The following LINGO2 variants were observed in gnomAD, a reference collection of about 807,000 sequenced individuals.
LINGO2 encodes the protein leucine-rich repeat and immunoglobulin-like domain-containing nogo receptor-interacting protein 2.
In LINGO2, 14 loss-of-function variants were observed where a neutral mutation model predicts 30.6. The observed-to-expected ratio is 0.46, with a 90% CI of 0.30 to 0.72. LINGO2 has a LOEUF of 0.72. LINGO2 is among the 30% of genes least tolerant of loss of function. The pLI, the probability that LINGO2 is intolerant of heterozygous loss-of-function variation, is 0.07. For missense variants in LINGO2, 729 were observed against 751.7 expected, an observed-to-expected ratio of 0.97 and a Z score of 0.35; for synonymous variants, 317 against 288.5, an observed-to-expected ratio of 1.10 and a Z score of -1.00.
intron 1 of LINGO2, among the ~76,000 whole-genome samples, chr9:28,629,993 A>G (rs548134661): frequency 6.5e-4 from 97 of 149,496 alleles, no homozygotes; most frequent in African/African-American, 2.2e-3. Context: ...TCATTGTTCA[A>G]TTCCCACCTA....
At chr9:28,987,319 G>T in the LINGO2 span, among the ~76,000 whole-genome samples, 1 of 151,634 alleles carries the variant, frequency 6.6e-6, no homozygotes, top group Non-Finnish European at 1.5e-5. Flanking sequence ...TAGGTTATCT[G>T]ATTTGTTGAT....
chr9:28,404,859 G>T (rs1290801772), intron 2 of LINGO2, among the ~76,000 whole-genome samples: 1 of 151,636 alleles, frequency 6.6e-6, no homozygotes, highest in East Asian at 1.9e-4. Flanking sequence ...TGAAATGTAT[G>T]GAAGAATGTG....
the LINGO2 span, among the ~76,000 whole-genome samples, chr9:28,880,241 G>A: frequency 3.3e-5 from 5 of 152,258 alleles, no homozygotes; most frequent in East Asian, 7.7e-4. Context: ...CTGTTACTGT[G>A]TCTATGTAGA....
At chr9:28,784,768 A>T in the LINGO2 span, among the ~76,000 whole-genome samples, 1 of 152,128 alleles carries the variant, frequency 6.6e-6, no homozygotes, top group East Asian at 1.9e-4. Flanking sequence ...CCTGGCCAAC[A>T]TGGTGAAACC....
chr9:28,892,936 A>C, the LINGO2 span, among the ~76,000 whole-genome samples: 1,012 of 152,180 alleles, frequency 6.7e-3, 7 homozygotes, highest in Non-Finnish European at 8.5e-3. Flanking sequence ...GAATTTAAGT[A>C]TATTCAATCC....
At chr9:28,848,919 G>C in the LINGO2 span, among the ~76,000 whole-genome samples, 2 of 151,852 alleles carry the variant, frequency 1.3e-5, no homozygotes, top group African/African-American at 2.4e-5. Context: ...TAAGGTGATG[G>C]TATTAGCACA....
the LINGO2 span, among the ~76,000 whole-genome samples, chr9:29,152,133 A>T: frequency 1.5e-3 from 231 of 152,300 alleles, 1 homozygote; most frequent in Non-Finnish European, 2.7e-3. Flanking sequence ...CACACTGGTC[A>T]GAATGGCTAT....
the LINGO2 span, among the ~76,000 whole-genome samples, chr9:28,903,349 C>G: frequency 4.6e-5 from 7 of 152,066 alleles, no homozygotes; most frequent in Admixed American, 2.0e-4. Flanking sequence ...TATGAACAGA[C>G]CAATAATGAG....
chr9:28,583,277 T>G (rs538153632), intron 1 of LINGO2, among the ~76,000 whole-genome samples: 2 of 152,120 alleles, frequency 1.3e-5, no homozygotes, highest in South Asian at 2.1e-4. Flanking sequence ...AACATATTGC[T>G]GTTATAAGCA....
the LINGO2 span, among the ~76,000 whole-genome samples, chr9:29,049,627 T>A: frequency 6.6e-6 from 1 of 152,168 alleles, no homozygotes; most frequent in South Asian, 2.1e-4. Context: ...ATAAAAAAAA[T>A]GAGATTCTGT....
intron 1 of LINGO2, among the ~76,000 whole-genome samples, chr9:28,563,228 C>G (rs1031698535): frequency 3.3e-5 from 5 of 152,056 alleles, no homozygotes; most frequent in African/African-American, 1.2e-4. Context: ...AACCTCAGAA[C>G]TAATAAAGGG....
At chr9:28,898,880 A>G in the LINGO2 span, among the ~76,000 whole-genome samples, 1 of 152,168 alleles carries the variant, frequency 6.6e-6, no homozygotes, top group East Asian at 1.9e-4. Flanking sequence ...ACATGAGTTT[A>G]CCTATATATA....
chr9:28,706,889 G>A, the LINGO2 span, among the ~76,000 whole-genome samples: 1 of 151,978 alleles, frequency 6.6e-6, no homozygotes. Context: ...GCTTGTAAAT[G>A]TTCCTTTATC....
chr9:28,477,042 A>G (rs1486794615), intron 1 of LINGO2, among the ~76,000 whole-genome samples: 1 of 152,220 alleles, frequency 6.6e-6, no homozygotes, highest in Non-Finnish European at 1.5e-5. Context: ...AGAGAGAAAG[A>G]TAAGTTGGCA....
At chr9:29,120,860 GT>G in the LINGO2 span, among the ~76,000 whole-genome samples, 2 of 152,114 alleles carry the variant, frequency 1.3e-5, no homozygotes, top group East Asian at 3.8e-4. Flanking sequence ...TGATAGAGTT[GT>G]TATAAGAACT....
intron 5 of LINGO2, among the ~76,000 whole-genome samples, chr9:27,985,724 T>TA (rs113168741): frequency 0.062 from 9,437 of 151,774 alleles, 595 homozygotes; most frequent in African/African-American, 0.14. Context: ...AAAGGTAGCC[T>TA]AAACAAGCAA....
chr9:28,267,739 A>G (rs1822803933), intron 4 of LINGO2, among the ~76,000 whole-genome samples: 1 of 151,994 alleles, frequency 6.6e-6, no homozygotes, highest in Non-Finnish European at 1.5e-5. Flanking sequence ...TTTCTAGAGT[A>G]GTTCCTATAT....
At chr9:28,255,966 G>A (rs189118721) in intron 4 of LINGO2, among the ~76,000 whole-genome samples, 8 of 152,094 alleles carry the variant, frequency 5.3e-5, no homozygotes, top group South Asian at 2.1e-4. Context: ...CTCTTAAGGC[G>A]GTCTGTGAAT....
At chr9:28,829,812 T>C in the LINGO2 span, among the ~76,000 whole-genome samples, 1 of 151,870 alleles carries the variant, frequency 6.6e-6, no homozygotes, top group Non-Finnish European at 1.5e-5. Flanking sequence ...GTCGCTTGAA[T>C]TCAGGAGGCA....
Sources: allele counts gnomAD v4.1 joint callset (sites outside exome capture counted in the v4.1 genomes callset), GRCh38; gene constraint gnomAD v4.1.1; transcripts MANE v1.5; gene names NCBI Gene and HGNC (gene_info 2026-07-23, HGNC 2026-07-21).